The following BCL2L1 variants were observed in gnomAD, a reference collection of about 807,000 sequenced individuals.
BCL2L1 encodes the protein bcl-2-like protein 1.
A neutral mutation model predicts 18.7 loss-of-function variants in BCL2L1; 1 was observed. That is an observed-to-expected ratio of 0.05 (90% CI 0.02 to 0.25). The LOEUF (loss-of-function observed/expected upper bound fraction) is 0.25. Among genes scored for constraint, BCL2L1 ranks in the 10% least tolerant of loss-of-function variants. The pLI is 1.00. For synonymous variants in BCL2L1, 103 were observed against 122.7 expected (o/e 0.84, Z 1.06); for missense variants, 207 against 304.9 (o/e 0.68, Z 2.39).
chr20:31,713,283 T>C (rs1405936379), intron 2 of BCL2L1: 2 of 985,000 alleles, frequency 2.0e-6, no homozygotes, highest in Non-Finnish European at 2.4e-6. Flanking sequence ...TTCTAAATCT[T>C]GAAGGGATGA....
chr20:31,723,607 A>T, upstream of BCL2L1: 4 of 985,312 alleles, frequency 4.1e-6, no homozygotes, highest in Non-Finnish European at 4.8e-6. Context: ...TCCTGAGAGG[A>T]GGGGCCTCGC....
At chr20:31,685,572 G>A (rs1355472714) in intron 2 of BCL2L1, among the ~76,000 whole-genome samples, 3 of 152,292 alleles carry the variant, frequency 2.0e-5, no homozygotes, top group Non-Finnish European at 4.4e-5. Flanking sequence ...CAAGAAACGT[G>A]AGCTTACTCC....
intron 2 of BCL2L1, among the ~76,000 whole-genome samples, chr20:31,686,583 C>T (rs1010300771): frequency 6.6e-6 from 1 of 152,206 alleles, no homozygotes; most frequent in Non-Finnish European, 1.5e-5. Context: ...TACAGCCCCA[C>T]TTCTCTGTTT....
At chr20:31,684,270 C>T (rs1381160985) in intron 2 of BCL2L1, among the ~76,000 whole-genome samples, 1 of 152,216 alleles carries the variant, frequency 6.6e-6, no homozygotes, top group East Asian at 1.9e-4. Flanking sequence ...ATAGAGCTAG[C>T]AGTTTTCCTG....
At chr20:31,709,332 C>T (rs778120189) in intron 2 of BCL2L1, among the ~76,000 whole-genome samples, 13 of 151,938 alleles carry the variant, frequency 8.6e-5, no homozygotes, top group East Asian at 5.9e-4. Context: ...TGTGTGTGCG[C>T]GCGTGCACGC....
intron 2 of BCL2L1, among the ~76,000 whole-genome samples, chr20:31,700,248 C>A (rs935470909): frequency 6.6e-6 from 1 of 152,148 alleles, no homozygotes; most frequent in Non-Finnish European, 1.5e-5. Flanking sequence ...ATGAATAGCA[C>A]CTGGGATGGC....
Position 31,667,363 on chromosome 20 carries a change from A to T in BCL2L1, c.565-1277T>A, listed in dbSNP as rs575895842. Among the ~76,000 whole-genome samples, 5 of 152,040 alleles carry T rather than the reference A, an allele frequency of 3.3e-5. No homozygotes were observed. In the South Asian group the frequency reaches 1.0e-3, roughly 32 times the overall value. On this transcript the variant is annotated intron_variant, in intron 2 of 2. Coordinates refer to ENST00000307677, the MANE Select transcript of BCL2L1 (RefSeq NM_138578.3). ...GTAATCCCAGTTACTCAGGAGGCTGAGGCACGAGAATTGTTTGAACCCGGG... is the reference window on the plus strand; with the variant it reads ...GTAATCCCAGTTACTCAGGAGGCTGTGGCACGAGAATTGTTTGAACCCGGG...
At chr20:31,713,500 A>G in intron 2 of BCL2L1, 1 of 985,384 alleles carries the variant, frequency 1.0e-6, no homozygotes, top group Non-Finnish European at 1.2e-6. Context: ...GCATTTCCTG[A>G]AGAGCTGGAG....
At chr20:31,690,232 CA>C (rs1474267592) in intron 2 of BCL2L1, among the ~76,000 whole-genome samples, 2 of 152,018 alleles carry the variant, frequency 1.3e-5, no homozygotes, top group Admixed American at 6.6e-5. Flanking sequence ...GCTAGGACTA[CA>C]GGTGTGTACC....
Position 31,722,202 on chromosome 20 carries a change from C to T in BCL2L1, c.17G>A (p.Arg6Gln), listed in dbSNP as rs148274815. The change falls in exon 2 of 3, where the codon CGG becomes CAG. Residue 6 changes from arginine to glutamine, a missense_variant. By Grantham distance (43) the Arg-to-Gln change is conservative. Coordinates refer to ENST00000307677, the MANE Select transcript of BCL2L1 (RefSeq NM_138578.3). ...GGAGAGAAAGTCAACCACCAGCTCC[C>T]GGTTGCTCTGAGACATTTTTATAAT... MSQSN[R>Q]ELVVDFLSYK... The T allele has an allele frequency of 3.9e-4, 587 of 1,496,526 alleles. 2 individuals are homozygous for T. The Middle Eastern group carries it at 5.2e-3, about 13-fold the overall frequency. 92.7% of individuals were successfully genotyped at this position (1,496,526 alleles called of 1,614,324 possible). A position where few individuals can be genotyped will look rare whatever the true frequency, so the allele number is the denominator to read the frequency against.
At chr20:31,671,810 G>GC (rs1323371249) in intron 2 of BCL2L1, among the ~76,000 whole-genome samples, 1 of 150,756 alleles carries the variant, frequency 6.6e-6, no homozygotes, top group African/African-American at 2.4e-5. Context: ...TATAGGTATT[G>GC]CCCTCCCATG....
upstream of BCL2L1, chr20:31,723,926 G>A (rs1369923224): frequency 1.0e-6 from 1 of 985,306 alleles, no homozygotes; most frequent in Non-Finnish European, 1.2e-6. Context: ...TGAAGAGACA[G>A]GGGAACTTGC....
chr20:31,686,922 T>C (rs115998685), intron 2 of BCL2L1, among the ~76,000 whole-genome samples: 2,241 of 152,288 alleles, frequency 0.015, 48 homozygotes, highest in African/African-American at 0.049. Context: ...TTATTAGCAT[T>C]CAACCTTAGG....
At chr20:31,693,137 T>A in intron 2 of BCL2L1, among the ~76,000 whole-genome samples, 1 of 131,292 alleles carries the variant, frequency 7.6e-6, no homozygotes, top group Non-Finnish European at 1.6e-5. Flanking sequence ...TTTAGGAATA[T>A]ATACCTATAT....
chr20:31,665,007 A>G lies in BCL2L1; in HGVS notation c.*942T>C. 5.1e-6 allele frequency: 1 copy of G among 195,830 alleles called. No homozygotes were observed. The highest frequency in any genetic ancestry group is 1.9e-4 in the South Asian group (1 of 5,182). 12.1% of individuals were successfully genotyped at this position (195,830 alleles called of 1,614,324 possible). A position where few individuals can be genotyped will look rare whatever the true frequency, so the allele number is the denominator to read the frequency against. ...CCTGCCCTTCCTGCCTGAGGTAGGG[A>G]AGACCCTGGGGCTCCCATAGCTGTT... On this transcript the variant is annotated 3_prime_UTR_variant, in exon 3 of 3. Coordinates refer to ENST00000307677, the MANE Select transcript of BCL2L1 (RefSeq NM_138578.3).
chr20:31,709,917 C>A (rs2061427176), intron 2 of BCL2L1, among the ~76,000 whole-genome samples: 1 of 150,078 alleles, frequency 6.7e-6, no homozygotes. Context: ...AACTCCTGAT[C>A]TCAAGTGATC....
chr20:31,701,139 C>T (rs1000343264), intron 2 of BCL2L1, among the ~76,000 whole-genome samples: 13 of 152,126 alleles, frequency 8.5e-5, no homozygotes, highest in South Asian at 2.1e-4. Flanking sequence ...CTGCAACCTC[C>T]GCCTCCTGGG....
chr20:31,674,438 C>T (rs1220495826), intron 2 of BCL2L1, among the ~76,000 whole-genome samples: 1 of 152,156 alleles, frequency 6.6e-6, no homozygotes, highest in African/African-American at 2.4e-5. Flanking sequence ...TGCCTTTACT[C>T]CTAACGTTGA....
At chr20:31,716,538 G>C (rs529930459) in intron 2 of BCL2L1, 120 of 152,242 alleles carry the variant, frequency 7.9e-4, no homozygotes, top group African/African-American at 2.9e-3. Flanking sequence ...GAATTATTAG[G>C]TAAATAGCCA....
Sources: gnomAD v4.1 joint callset for allele counts (sites outside exome capture counted in the v4.1 genomes callset) on GRCh38, gnomAD v4.1.1 for gene constraint, MANE v1.5 for transcripts, NCBI Gene and HGNC (gene_info 2026-07-23, HGNC 2026-07-21) for gene names.